RELL1: variants seen among roughly 807,000 people sequenced by gnomAD.
The protein encoded by RELL1 is RELT like 1.
A neutral mutation model predicts 23.0 loss-of-function variants in RELL1; 10 were observed. The observed-to-expected ratio is 0.43, with a 90% CI of 0.27 to 0.74. The LOEUF (loss-of-function observed/expected upper bound fraction) is 0.74. RELL1 is among the 30% of genes least tolerant of loss of function. RELL1 has a pLI of 0.19. For synonymous variants in RELL1, 146 were observed against 146.8 expected, an observed-to-expected ratio of 0.99 and a Z score of 0.04; for missense variants, 315 against 364.4, an observed-to-expected ratio of 0.86 and a Z score of 1.10.
Position 37,649,277 on chromosome 4 carries a change from T to A in RELL1, c.312A>T (p.Ile104=), listed in dbSNP as rs779237796. Residue 104 remains isoleucine (I), a splice_region_variant and synonymous_variant, in exon 2 of 7, where the codon ATA becomes ATT. Coordinates refer to ENST00000454158, the MANE Select transcript of RELL1 (RefSeq NM_001085400.2). ...ATAAAAAGAGCCCTGGTTATTTACC[T>A]ATCTTTTCAACCTTTTCCTCTTCGA... ...QDIEEEKVEK[I]ELNDSVNENS... The A allele has an allele frequency of 1.2e-6, 2 of 1,612,448 alleles. No individual in the cohort carries two copies. Among genetic ancestry groups the A allele is most frequent in the Non-Finnish European group, 1.7e-6 (2 of 1,178,756 alleles).
chr4:37,609,868 T>G (rs1719321699), downstream of RELL1, among the ~76,000 whole-genome samples: 1 of 152,214 alleles, frequency 6.6e-6, no homozygotes, highest in African/African-American at 2.4e-5. Flanking sequence ...AGTGGTTTCC[T>G]GAGATGGCAT....
chr4:37,669,799 C>T (rs942775130), intron 1 of RELL1, among the ~76,000 whole-genome samples: 3 of 151,998 alleles, frequency 2.0e-5, no homozygotes, highest in Non-Finnish European at 4.4e-5. Context: ...GGATTAAGGG[C>T]GGTGCAAGAT....
intron 2 of RELL1, among the ~76,000 whole-genome samples, chr4:37,648,193 G>A (rs2109281459): frequency 6.6e-6 from 1 of 152,360 alleles, no homozygotes; most frequent in East Asian, 1.9e-4. Context: ...TGTTTGGTTA[G>A]ACAGCTCAGA....
At chr4:37,625,190 C>T (rs1304341061) in intron 6 of RELL1, among the ~76,000 whole-genome samples, 1 of 151,958 alleles carries the variant, frequency 6.6e-6, no homozygotes, top group Non-Finnish European at 1.5e-5. Context: ...CTGAATAAAA[C>T]AAAAATAAAA....
intron 6 of RELL1, among the ~76,000 whole-genome samples, chr4:37,604,852 G>T (rs199696188): frequency 2.2e-4 from 6 of 27,000 alleles, no homozygotes; most frequent in African/African-American, 2.7e-4. Flanking sequence ...CACACACACA[G>T]ACACACACAC....
chr4:37,660,866 C>A (rs1291467318), intron 1 of RELL1, among the ~76,000 whole-genome samples: 2 of 152,076 alleles, frequency 1.3e-5, no homozygotes, highest in African/African-American at 2.4e-5. Flanking sequence ...CCCGTCTCTA[C>A]TAAAAATATA....
intron 1 of RELL1, among the ~76,000 whole-genome samples, chr4:37,665,867 C>G (rs143415452): frequency 2.6e-5 from 4 of 152,256 alleles, no homozygotes; most frequent in African/African-American, 9.6e-5. Context: ...GGTTAGAAGT[C>G]CAGCCAAGTC....
intron 6 of RELL1, among the ~76,000 whole-genome samples, chr4:37,628,194 C>G (rs1462702759): frequency 6.6e-6 from 1 of 152,188 alleles, no homozygotes; most frequent in Admixed American, 6.5e-5. Context: ...TGAGCAGGCT[C>G]TACTCATGGG....
At chr4:37,613,783 T>C (rs1181639958) in intron 6 of RELL1, among the ~76,000 whole-genome samples, 1 of 152,252 alleles carries the variant, frequency 6.6e-6, no homozygotes, top group Non-Finnish European at 1.5e-5. Context: ...GGGTTCTGGA[T>C]TGTATTTTTA....
intron 1 of RELL1, among the ~76,000 whole-genome samples, chr4:37,672,424 T>C (rs1405608580): frequency 2.0e-5 from 3 of 152,348 alleles, no homozygotes; most frequent in Non-Finnish European, 4.4e-5. Flanking sequence ...AGATCAAATA[T>C]ATCATTTGTA....
At chr4:37,586,953 C>T (rs757815959), downstream of RELL1, among the ~76,000 whole-genome samples, 2 of 152,094 alleles carry the variant, frequency 1.3e-5, no homozygotes, top group Non-Finnish European at 2.9e-5. Context: ...AGTTTATTCT[C>T]TCCCAGTTCT....
At chr4:37,662,616 C>A (rs1721394638) in intron 1 of RELL1, among the ~76,000 whole-genome samples, 1 of 151,950 alleles carries the variant, frequency 6.6e-6, no homozygotes, top group South Asian at 2.1e-4. Flanking sequence ...ATATTACCAT[C>A]CCTGGCTTCA....
chr4:37,679,422 A>G (rs888653294), intron 1 of RELL1, among the ~76,000 whole-genome samples: 1 of 152,138 alleles, frequency 6.6e-6, no homozygotes, highest in African/African-American at 2.4e-5. Context: ...TGCTACTTTG[A>G]GCAGTTTTAT....
At chr4:37,671,919 T>C (rs1721847842) in intron 1 of RELL1, among the ~76,000 whole-genome samples, 1 of 152,100 alleles carries the variant, frequency 6.6e-6, no homozygotes, top group African/African-American at 2.4e-5. Flanking sequence ...ACACTTATGA[T>C]TACAGTTTTA....
chr4:37,606,314 G>A (rs529143106), downstream of RELL1, among the ~76,000 whole-genome samples: 2 of 152,228 alleles, frequency 1.3e-5, no homozygotes, highest in South Asian at 4.2e-4. This position sits in a 1 kb window ranked among gnomAD's most constrained non-coding sequence, Gnocchi z 4.1. Context: ...AGGGACATGG[G>A]CACCAACCTG....
chr4:37,654,920 T>C (rs1165874598), intron 1 of RELL1, among the ~76,000 whole-genome samples: 1 of 152,190 alleles, frequency 6.6e-6, no homozygotes, highest in African/African-American at 2.4e-5. Context: ...GCTAAGTGAT[T>C]CTCGGTACTA....
chr4:37,635,438 C>T (rs1406326631), intron 4 of RELL1, among the ~76,000 whole-genome samples: 1 of 151,852 alleles, frequency 6.6e-6, no homozygotes, highest in Non-Finnish European at 1.5e-5. Flanking sequence ...CCAGCCTGAG[C>T]AACATAGAGA....
chr4:37,607,579 C>CTTT (rs59939694), downstream of RELL1, among the ~76,000 whole-genome samples: 1 of 113,952 alleles, frequency 8.8e-6, no homozygotes, highest in Non-Finnish European at 1.9e-5. Flanking sequence ...TCTTTCTTTT[C>CTTT]TTTTTTTTTT....
chr4:37,605,753 A>T (rs1311998515), downstream of RELL1, among the ~76,000 whole-genome samples: 1 of 125,564 alleles, frequency 8.0e-6, no homozygotes, highest in Non-Finnish European at 1.6e-5. Flanking sequence ...AAAGAAAGAA[A>T]AAGAATAAAG....
Sources: allele counts gnomAD v4.1 joint callset (sites outside exome capture counted in the v4.1 genomes callset), GRCh38; gene constraint gnomAD v4.1.1; non-coding constraint Gnocchi (gnomAD v3.1); transcripts MANE v1.5; gene names NCBI Gene and HGNC (gene_info 2026-07-23, HGNC 2026-07-21).